The following GPC1 variants were observed in gnomAD, a reference collection of about 807,000 sequenced individuals.
The protein encoded by GPC1 is glypican 1.
Under a neutral mutation model 51.5 loss-of-function variants are expected in GPC1, and 26 were observed. That is an observed-to-expected ratio of 0.50 (90% confidence interval 0.37 to 0.70). The LOEUF is 0.70. Among genes scored for constraint, GPC1 ranks in the 30% least tolerant of loss-of-function variants. GPC1 has a pLI of 0.00. For synonymous variants in GPC1, 380 were observed against 348.3 expected, an observed-to-expected ratio of 1.09 and a Z score of -1.01; for missense variants, 775 against 800.5, an observed-to-expected ratio of 0.97 and a Z score of 0.38.
chr2:240,451,483 C>T (rs1008881180), intron 1 of GPC1: 9 of 338,012 alleles, frequency 2.7e-5, no homozygotes, highest in Non-Finnish European at 4.7e-5. Flanking sequence ...GCCTGAATTT[C>T]CACCCTGCTG....
intron 1 of GPC1, chr2:240,456,808 G>A (rs1459950565): frequency 2.9e-6 from 1 of 344,734 alleles, no homozygotes; most frequent in Non-Finnish European, 6.0e-6. Flanking sequence ...GTGAATAAAG[G>A]CTGCAGAGTG....
At chr2:240,455,951 G>C in intron 1 of GPC1, 1 of 401,080 alleles carries the variant, frequency 2.5e-6, no homozygotes. Flanking sequence ...GCCTGCCCGA[G>C]GCTCCCAGGC....
intron 1 of GPC1, among the ~76,000 whole-genome samples, chr2:240,438,130 A>T (rs1170165957): frequency 6.6e-6 from 1 of 152,216 alleles, no homozygotes; most frequent in East Asian, 1.9e-4. Context: ...GGTGCCAGCC[A>T]TGGGCCAGTG....
intron 3 of GPC1, 77 bp from the exon 4 acceptor site, chr2:240,463,269 TG>T: frequency 7.7e-7 from 1 of 1,303,284 alleles, no homozygotes; most frequent in Non-Finnish European, 1.1e-6. Flanking sequence ...CCCCCTACCC[TG>T]GGGCTTCGTT....
intron 1 of GPC1, among the ~76,000 whole-genome samples, chr2:240,444,445 C>T (rs1408470767): frequency 1.3e-5 from 2 of 152,218 alleles, no homozygotes; most frequent in Admixed American, 1.3e-4. Flanking sequence ...GCTGGTCCAT[C>T]CTGGGGTGAT....
rs532122171 is a variant in GPC1, at chr2:240,463,582, G to A, written c.883+70G>A. ...TGCACGACTGGGGGTCCTGGGGGGC[G>A]GGTGGTCCCTAGCTTAGAGCTTGGA... is the stretch of plus-strand genomic sequence containing the variant. On this transcript the variant is annotated intron_variant, in intron 4 of 8. Coordinates refer to ENST00000264039, the MANE Select transcript of GPC1 (RefSeq NM_002081.3). The A allele has an allele frequency of 2.6e-4, 359 of 1,388,114 alleles. 3 individuals carry two copies. The highest frequency in any genetic ancestry group is 2.0e-3 in the South Asian group (161 of 81,746). The allele number at this position is 1,388,114 out of a possible 1,614,324, so 86.0% of individuals were successfully genotyped here.
At chr2:240,460,990 C>T (rs2074210339) in intron 2 of GPC1, among the ~76,000 whole-genome samples, 1 of 152,184 alleles carries the variant, frequency 6.6e-6, no homozygotes, top group African/African-American at 2.4e-5. Context: ...TGTGTCCGCC[C>T]CCCCACCAGC....
intron 2 of GPC1, among the ~76,000 whole-genome samples, chr2:240,461,093 T>C (rs530481116): frequency 6.6e-6 from 1 of 152,350 alleles, no homozygotes; most frequent in East Asian, 1.9e-4. Flanking sequence ...TCTGGGCTAA[T>C]GCATGAACCA....
Position 240,466,521 on chromosome 2 carries a change from A to C in GPC1, c.*231A>C. On this transcript the variant is annotated 3_prime_UTR_variant, in exon 9 of 9. Coordinates refer to ENST00000264039, the MANE Select transcript of GPC1 (RefSeq NM_002081.3). ...GTCAGCTGGGAGCCAGTGTGCCCAA[A>C]AGCCATGTATTTCAGGGACCTCAGG... 1 of 540,604 alleles carries C rather than the reference A, an allele frequency of 1.8e-6. No homozygotes were observed. Among genetic ancestry groups the C allele is most frequent in the South Asian group, 2.7e-5 (1 of 36,996 alleles). The allele number at this position is 540,604 out of a possible 1,614,324, so 33.5% of individuals were successfully genotyped here.
intron 1 of GPC1, chr2:240,458,155 C>T (rs1451636250): frequency 6.7e-6 from 3 of 450,918 alleles, no homozygotes; most frequent in African/African-American, 2.0e-5. Flanking sequence ...ATGAGGATTG[C>T]GGCAGCCTTC....
At position 240,466,579 on chromosome 2, in the gene GPC1, TCCCTGCACCGCCGCAGAA is replaced by T. The variant is rs2074263599; in HGVS notation, c.*290_*307del. On this transcript the variant is annotated 3_prime_UTR_variant, in exon 9 of 9. Transcript: ENST00000264039. ...CCGGCTGCCTAGCCCTCCCCCCAGC[TCCCTGCACCGCCGCAGAA>T]GCAGCCCCTCGAGGCCTACAGAGGA... 1 of 427,156 alleles carries T rather than the reference TCCCTGCACCGCCGCAGAA, an allele frequency of 2.3e-6. No individual in the cohort carries two copies. Among genetic ancestry groups the T allele is most frequent in the Admixed American group, 4.0e-5 (1 of 24,970 alleles). The allele number at this position is 427,156 out of a possible 1,614,324, so 26.5% of individuals were successfully genotyped here. A position where few individuals can be genotyped will look rare whatever the true frequency, so the allele number is the denominator to read the frequency against.
At position 240,464,283 on chromosome 2, in the gene GPC1, G is replaced by A. The variant is rs1231913523; in HGVS notation, c.884-333G>A. On this transcript the variant is annotated intron_variant, in intron 4 of 8. Transcript: ENST00000264039. ...CTCATGTGCACACAAGCTGGACCAA[G>A]GTGAGCCAGCGTATGTACATGTCAA... 8.7e-6 allele frequency: 3 copies of A among 344,794 alleles called. No homozygotes were observed. In the East Asian group the frequency reaches 2.0e-4, roughly 23 times the overall value. The allele number at this position is 344,794 out of a possible 1,614,324, so 21.4% of individuals were successfully genotyped here. A position where few individuals can be genotyped will look rare whatever the true frequency, so the allele number is the denominator to read the frequency against.
intron 1 of GPC1, among the ~76,000 whole-genome samples, chr2:240,438,354 C>T (rs570382145): frequency 6.6e-6 from 1 of 152,328 alleles, no homozygotes; most frequent in South Asian, 2.1e-4. Flanking sequence ...GGGTGACTCC[C>T]TCGGGTCGCA....
chr2:240,440,346 C>T (rs142075313), intron 1 of GPC1, among the ~76,000 whole-genome samples: 3,239 of 152,246 alleles, frequency 0.021, 42 homozygotes, highest in South Asian at 0.029. Flanking sequence ...ATGAGTAAAC[C>T]GAAGCCTGGT....
intron 2 of GPC1, among the ~76,000 whole-genome samples, chr2:240,461,718 C>T (rs552954020): frequency 3.9e-5 from 6 of 152,238 alleles, no homozygotes; most frequent in African/African-American, 1.2e-4. Context: ...GGGCAGCAGC[C>T]CTGGAGACTC....
rs1158293433 is a variant in GPC1 at position 240,448,370 on chromosome 2, C to T, written c.167-10660C>T. 6.6e-6 allele frequency among the ~76,000 whole-genome samples: 1 copy of T among 151,766 alleles called. No homozygotes were observed. Among genetic ancestry groups the T allele is most frequent in the South Asian group, 2.1e-4 (1 of 4,782 alleles). Reference sequence around the variant, plus strand: ...GCATCCCTCTGTCTGCCAGGCAGTCCGGGTGTAGATAGTCCCTGCCAGGCA... The same window carrying T: ...GCATCCCTCTGTCTGCCAGGCAGTCTGGGTGTAGATAGTCCCTGCCAGGCA... On this transcript the variant is annotated intron_variant, in intron 1 of 8. Coordinates refer to ENST00000264039, the MANE Select transcript of GPC1 (RefSeq NM_002081.3). The surrounding 1 kb of genome is among the most constrained non-coding windows in gnomAD (Gnocchi z 4.5).
At chr2:240,455,247 CA>C (rs543756222) in intron 1 of GPC1, among the ~76,000 whole-genome samples, 3 of 152,066 alleles carry the variant, frequency 2.0e-5, no homozygotes, top group Admixed American at 1.3e-4. Context: ...CCTTCCCCCC[CA>C]AAAAAATCCT....
chr2:240,456,162 C>A (rs2074160257), intron 1 of GPC1: 1 of 257,386 alleles, frequency 3.9e-6, no homozygotes, highest in African/African-American at 2.4e-5. Flanking sequence ...GAGGCTGAGG[C>A]GCGGGGGCCG....
intron 1 of GPC1, among the ~76,000 whole-genome samples, chr2:240,445,300 A>G (rs1398762150): frequency 2.6e-5 from 4 of 152,176 alleles, no homozygotes; most frequent in Admixed American, 6.5e-5. Context: ...CCCCTGGGAT[A>G]GGGTGGCTCC....
Sources: allele counts gnomAD v4.1 joint callset (sites outside exome capture counted in the v4.1 genomes callset), GRCh38; gene constraint gnomAD v4.1.1; non-coding constraint Gnocchi (gnomAD v3.1); transcripts MANE v1.5; gene names NCBI Gene and HGNC (gene_info 2026-07-23, HGNC 2026-07-21).